The following STEAP1B variants were observed in gnomAD, a reference collection of about 807,000 sequenced individuals.
STEAP1B encodes the protein STEAP family member 1B.
In STEAP1B, 13 loss-of-function variants were observed where a neutral mutation model predicts 27.9. That is an observed-to-expected ratio of 0.47 (90% confidence interval 0.30 to 0.74). STEAP1B has a LOEUF of 0.74. Ranked by LOEUF, STEAP1B falls within the 30% of genes least tolerant of loss-of-function variation. The probability of loss-of-function intolerance (pLI) is 0.06; values close to 1 mark genes in which losing one functional copy is unlikely to be tolerated. For missense variants in STEAP1B, 250 were observed against 298.7 expected (o/e 0.84, Z 1.20); for synonymous variants, 86 against 107.1 (o/e 0.80, Z 1.22).
Position 22,430,703 on chromosome 7 carries a change from G to A in STEAP1B, c.763-10867C>T, listed in dbSNP as rs180703617. Reference sequence around the variant, plus strand: ...CCTCAACAGCCACGTTTTTCTCAAGGAATGTGAAGAAAGCTGTTTCCTGCT... The same window carrying A: ...CCTCAACAGCCACGTTTTTCTCAAGAAATGTGAAGAAAGCTGTTTCCTGCT... On this transcript the variant is annotated intron_variant, in intron 4 of 4. Transcript: ENST00000678116. 1.1e-3 allele frequency among the ~76,000 whole-genome samples: 165 copies of A among 152,290 alleles called. 1 individual carries two copies. The highest frequency in any genetic ancestry group is 3.7e-3 in the African/African-American group (152 of 41,568).
At chr7:22,481,586 CGTTG>C (rs571349867) in intron 4 of STEAP1B, among the ~76,000 whole-genome samples, 96 of 152,334 alleles carry the variant, frequency 6.3e-4, no homozygotes, top group African/African-American at 2.1e-3. Flanking sequence ...AAGATCCCTG[CGTTG>C]GTTTGCACAT....
rs1562573770 is a variant in STEAP1B, at chr7:22,456,974, T to TATA, written c.762+35590_762+35591insTAT. Among the ~76,000 whole-genome samples the TATA allele has an allele frequency of 1.4e-3, 70 of 50,260 alleles. 6 individuals carry two copies. The highest frequency in any genetic ancestry group is 2.0e-3 in the African/African-American group (23 of 11,342). The allele number at this position is 50,260 out of a possible 152,430, so 33.0% of individuals were successfully genotyped here. A position where few individuals can be genotyped will look rare whatever the true frequency, so the allele number is the denominator to read the frequency against. On this transcript the variant is annotated intron_variant, in intron 4 of 4. Coordinates refer to ENST00000678116, the MANE Select transcript of STEAP1B (RefSeq NM_001382447.1). ...CAGCTATATATATATATATATATAT[T>TATA]TTTTTTTTTTTTAAGTATCCTGGGT... is the stretch of plus-strand genomic sequence containing the variant.
chr7:22,469,469 C>T (rs1785843109), intron 4 of STEAP1B, among the ~76,000 whole-genome samples: 1 of 152,208 alleles, frequency 6.6e-6, no homozygotes, highest in Admixed American at 6.5e-5. Context: ...TAACCTTTCA[C>T]TTTCACTCAC....
intron 4 of STEAP1B, among the ~76,000 whole-genome samples, chr7:22,457,118 C>T (rs1785601414): frequency 6.6e-6 from 1 of 151,212 alleles, no homozygotes; most frequent in Admixed American, 6.6e-5. Context: ...CTCTAAATGT[C>T]CTGGGATAAA....
At chr7:22,438,401 A>C in intron 4 of STEAP1B, 1 of 1,401,578 alleles carries the variant, frequency 7.1e-7, no homozygotes, top group Non-Finnish European at 9.5e-7. Flanking sequence ...GTAGATGTCC[A>C]CTTTGTACTT....
intron 4 of STEAP1B, among the ~76,000 whole-genome samples, chr7:22,444,098 C>A (rs559260650): frequency 6.6e-6 from 1 of 152,336 alleles, no homozygotes; most frequent in African/African-American, 2.4e-5. Context: ...ACGCTCAGGG[C>A]TTTAGTTAAA....
At chr7:22,445,198 C>G (rs190506080) in intron 4 of STEAP1B, among the ~76,000 whole-genome samples, 1 of 152,358 alleles carries the variant, frequency 6.6e-6, no homozygotes, top group Non-Finnish European at 1.5e-5. Context: ...TACAAATCAG[C>G]TCTGCAGATG....
intron 4 of STEAP1B, among the ~76,000 whole-genome samples, chr7:22,432,139 T>C (rs1259380710): frequency 6.6e-6 from 1 of 152,152 alleles, no homozygotes; most frequent in Non-Finnish European, 1.5e-5. Context: ...TTCTGCCATG[T>C]AAGGTTAGAG....
chr7:22,456,341 T>C (rs149283044), intron 4 of STEAP1B, among the ~76,000 whole-genome samples: 2,721 of 152,324 alleles, frequency 0.018, 40 homozygotes, highest in Middle Eastern at 0.031. Flanking sequence ...AACAGTGTGA[T>C]AATGCTGCTT....
chr7:22,461,073 A>C (rs1785670949), intron 4 of STEAP1B, among the ~76,000 whole-genome samples: 1 of 152,152 alleles, frequency 6.6e-6, no homozygotes, highest in Non-Finnish European at 1.5e-5. Context: ...ACAATACGGA[A>C]CAGCTAGCTG....
At chr7:22,423,180 T>C (rs1583625490) in intron 4 of STEAP1B, among the ~76,000 whole-genome samples, 1 of 152,100 alleles carries the variant, frequency 6.6e-6, no homozygotes, top group African/African-American at 2.4e-5. Context: ...GAGTGTAAAA[T>C]GGGGCAGCCA....
At chr7:22,471,237 G>A (rs757183288) in intron 4 of STEAP1B, among the ~76,000 whole-genome samples, 3 of 152,086 alleles carry the variant, frequency 2.0e-5, no homozygotes, top group Admixed American at 6.5e-5. Flanking sequence ...GAGGTGCCAC[G>A]TGCTGTTAAA....
chr7:22,469,761 CA>C (rs1463539663), intron 4 of STEAP1B, among the ~76,000 whole-genome samples: 1 of 152,164 alleles, frequency 6.6e-6, no homozygotes, highest in East Asian at 1.9e-4. Flanking sequence ...AATGTTTACA[CA>C]ATGAAAAACA....
intron 4 of STEAP1B, among the ~76,000 whole-genome samples, chr7:22,440,317 A>G (rs1785313529): frequency 6.6e-6 from 1 of 152,214 alleles, no homozygotes; most frequent in African/African-American, 2.4e-5. Context: ...GAAATGGAAT[A>G]TAATTAAAAG....
Position 22,456,972 on chromosome 7 carries a change from A to ATATTTTTTTTTTTTTTTTTTT in STEAP1B, c.762+35592_762+35593insAAAAAAAAAAAAAAAAAAATA. Among the ~76,000 whole-genome samples the ATATTTTTTTTTTTTTTTTTTT allele has an allele frequency of 1.1e-4, 6 of 57,078 alleles. No individual in the cohort carries two copies. The East Asian group carries it at 6.3e-3, about 60-fold the overall frequency. The allele number at this position is 57,078 out of a possible 152,430, so 37.4% of individuals were successfully genotyped here. On this transcript the variant is annotated intron_variant, in intron 4 of 4. Transcript: ENST00000678116. ...GGCAGCTATATATATATATATATAT[A>ATATTTTTTTTTTTTTTTTTTT]TTTTTTTTTTTTTTAAGTATCCTGG...
intron 4 of STEAP1B, among the ~76,000 whole-genome samples, chr7:22,426,127 T>A (rs1162834664): frequency 6.6e-6 from 1 of 152,204 alleles, no homozygotes; most frequent in Non-Finnish European, 1.5e-5. Flanking sequence ...TAGGGTCTGG[T>A]CTTAGCAATT....
chr7:22,482,631 C>T (rs1458386780), intron 4 of STEAP1B, among the ~76,000 whole-genome samples: 2 of 152,158 alleles, frequency 1.3e-5, no homozygotes, highest in Admixed American at 6.5e-5. Flanking sequence ...GCCCCCCAGG[C>T]ACATAGGGGG....
chr7:22,478,681 G>T (rs1344475279), intron 4 of STEAP1B, among the ~76,000 whole-genome samples: 1 of 152,142 alleles, frequency 6.6e-6, no homozygotes, highest in Non-Finnish European at 1.5e-5. Context: ...ATCTTACTTG[G>T]GGGGGGCTTG....
At chr7:22,438,936 C>G (rs75900141) in intron 4 of STEAP1B, among the ~76,000 whole-genome samples, 4,776 of 151,358 alleles carry the variant, frequency 0.032, 248 homozygotes, top group African/African-American at 0.11. Context: ...TTTTCAGCAG[C>G]AGCTGAATAA....
Sources: gnomAD v4.1 joint callset for allele counts (sites outside exome capture counted in the v4.1 genomes callset) on GRCh38, gnomAD v4.1.1 for gene constraint, MANE v1.5 for transcripts, NCBI Gene and HGNC (gene_info 2026-07-23, HGNC 2026-07-21) for gene names.